Variants in NREP observed in about 807,000 individuals in gnomAD.
NREP encodes neuronal regeneration related protein.
Under a neutral mutation model 8.6 loss-of-function variants are expected in NREP, and 5 were observed. That is an observed-to-expected ratio of 0.58 (90% CI 0.30 to 1.22). The LOEUF is 1.22. NREP is among the 50% of genes most tolerant of loss of function. NREP has a pLI of 0.07. For missense variants in NREP, 86 were observed against 82.5 expected (o/e 1.04, Z -0.17); for synonymous variants, 27 against 28.0 (o/e 0.96, Z 0.11).
chr5:111,930,469 T>G (rs1032570228), intron 2 of NREP, among the ~76,000 whole-genome samples: 2 of 152,156 alleles, frequency 1.3e-5, no homozygotes, highest in African/African-American at 4.8e-5. Context: ...TTCAGAAATT[T>G]TTTACACCTT....
intron 2 of NREP, among the ~76,000 whole-genome samples, chr5:111,807,560 T>C (rs1045613649): frequency 2.0e-5 from 3 of 152,078 alleles, no homozygotes; most frequent in African/African-American, 4.8e-5. Context: ...TTAAAGACAA[T>C]TTTTAGAATA....
At chr5:111,771,552 C>T (rs1751229494) in intron 2 of NREP, among the ~76,000 whole-genome samples, 1 of 151,920 alleles carries the variant, frequency 6.6e-6, no homozygotes, top group Non-Finnish European at 1.5e-5. Context: ...AGCCTGAGGT[C>T]AGAAGTTCGA....
intron 2 of NREP, among the ~76,000 whole-genome samples, chr5:111,891,165 A>C (rs1422492430): frequency 6.6e-6 from 1 of 152,202 alleles, no homozygotes; most frequent in Non-Finnish European, 1.5e-5. Context: ...GCTGCTTAGA[A>C]ATTTCTTCCA....
chr5:111,733,133 C>T (rs7705414), intron 3 of NREP: 7 of 152,302 alleles, frequency 4.6e-5, no homozygotes, highest in African/African-American at 1.7e-4. Context: ...TTCAAGGTCC[C>T]AGATAATATA....
chr5:111,836,708 G>T, intron 2 of NREP, among the ~76,000 whole-genome samples: 1 of 152,048 alleles, frequency 6.6e-6, no homozygotes, highest in East Asian at 1.9e-4. Context: ...GGCAGTGGTT[G>T]TGACATGGAA....
chr5:111,780,624 G>A (rs1384504436), intron 2 of NREP, among the ~76,000 whole-genome samples: 3 of 152,132 alleles, frequency 2.0e-5, no homozygotes, highest in Non-Finnish European at 4.4e-5. Flanking sequence ...GAAGGAGACT[G>A]GATTTCAAAT....
At chr5:111,844,679 T>TATATATATTATATATATTATATATATATA (rs1753115807) in intron 2 of NREP, among the ~76,000 whole-genome samples, 4 of 146,384 alleles carry the variant, frequency 2.7e-5, no homozygotes, top group South Asian at 2.2e-4. Context: ...ATATATATAT[T>TATATATATTATATATATTATATATATATA]ATATATATAT....
At chr5:111,895,197 C>T (rs1365436285) in intron 2 of NREP, among the ~76,000 whole-genome samples, 3 of 152,292 alleles carry the variant, frequency 2.0e-5, no homozygotes, top group East Asian at 3.9e-4. Context: ...TATCCTCAAA[C>T]CTTGCTACAC....
intron 2 of NREP, among the ~76,000 whole-genome samples, chr5:111,967,445 A>G (rs1581259006): frequency 6.6e-6 from 1 of 152,184 alleles, no homozygotes; most frequent in Non-Finnish European, 1.5e-5. Flanking sequence ...CTCTCACCTA[A>G]AGAATTGCAG....
intron 2 of NREP, among the ~76,000 whole-genome samples, chr5:111,774,162 T>C (rs1751302805): frequency 6.7e-6 from 1 of 148,428 alleles, no homozygotes; most frequent in African/African-American, 2.5e-5. Flanking sequence ...AGCATTATGC[T>C]AGATACTGTA....
At chr5:111,817,185 T>C (rs1047703697) in intron 2 of NREP, among the ~76,000 whole-genome samples, 103 of 152,194 alleles carry the variant, frequency 6.8e-4, no homozygotes, top group African/African-American at 2.4e-3. Context: ...ACATTTTTTA[T>C]TGTTTTCTAC....
rs144971345 is a variant in NREP, at chr5:111,859,469, C to A, written c.135+115805G>T. ...CAGAGATGAGAGTGTGCCAGGGCAG[C>A]TCTGTCCCATAAGATCTCCTCTGGC... On this transcript the variant is annotated intron_variant, in intron 2 of 3. Transcript: ENST00000395634. Among the ~76,000 whole-genome samples, 31 of 152,172 alleles carry A rather than the reference C, an allele frequency of 2.0e-4. No individual in the cohort carries two copies. In the East Asian group the frequency reaches 5.8e-3, roughly 29 times the overall value.
chr5:111,920,030 C>T (rs957056001), intron 2 of NREP, among the ~76,000 whole-genome samples: 3 of 146,924 alleles, frequency 2.0e-5, no homozygotes, highest in African/African-American at 7.4e-5. Flanking sequence ...AAGTTTTCTT[C>T]CCTTTTGCAG....
At chr5:111,849,583 T>TA in intron 2 of NREP, among the ~76,000 whole-genome samples, 1 of 152,246 alleles carries the variant, frequency 6.6e-6, no homozygotes. Flanking sequence ...GAAGAAGAGT[T>TA]ACATAGGCTT....
chr5:111,758,154 C>CGCGGGGAAGCCCGGG (rs1215879741), upstream of NREP: 2 of 985,476 alleles, frequency 2.0e-6, no homozygotes, highest in Non-Finnish European at 2.4e-6. Flanking sequence ...CACTCCCTTC[C>CGCGGGGAAGCCCGGG]GCGGGGAAGC....
chr5:111,878,804 C>T (rs982360347), intron 2 of NREP, among the ~76,000 whole-genome samples: 4 of 152,142 alleles, frequency 2.6e-5, no homozygotes, highest in Admixed American at 2.0e-4. Flanking sequence ...AGGGCTCTGA[C>T]CATCTGCAAG....
intron 2 of NREP, among the ~76,000 whole-genome samples, chr5:111,873,123 G>A (rs1227335977): frequency 1.3e-5 from 2 of 152,148 alleles, no homozygotes; most frequent in Non-Finnish European, 2.9e-5. Context: ...ATTAAATAGT[G>A]CAAGTAATAT....
intron 2 of NREP, among the ~76,000 whole-genome samples, chr5:111,945,643 C>A (rs762854825): frequency 3.3e-5 from 5 of 151,870 alleles, no homozygotes; most frequent in Non-Finnish European, 7.4e-5. Flanking sequence ...AAATTAACCA[C>A]AAAAATGAAA....
chr5:111,937,965 C>T (rs868342647), intron 2 of NREP, among the ~76,000 whole-genome samples: 9 of 152,064 alleles, frequency 5.9e-5, no homozygotes, highest in African/African-American at 1.4e-4. Context: ...CTTGTGCTGA[C>T]GTTTGCACCC....
Sources: gnomAD v4.1 joint callset for allele counts (sites outside exome capture counted in the v4.1 genomes callset) on GRCh38, gnomAD v4.1.1 for gene constraint, MANE v1.5 for transcripts, NCBI Gene and HGNC (gene_info 2026-07-23, HGNC 2026-07-21) for gene names.